ADGRG5: variants seen among roughly 807,000 people sequenced by gnomAD.
The protein encoded by ADGRG5 is adhesion G protein-coupled receptor G5.
Under a neutral mutation model 53.2 loss-of-function variants are expected in ADGRG5, and 37 were observed. The ratio of observed to expected loss-of-function variants is 0.70; its 90% CI spans 0.53 to 0.91. ADGRG5 has a LOEUF of 0.91. Among genes scored for constraint, ADGRG5 ranks in the 40% least tolerant of loss-of-function variants. The pLI is 0.00. For missense variants in ADGRG5, 614 were observed against 675.8 expected (o/e 0.91, Z 1.01); for synonymous variants, 277 against 290.4 (o/e 0.95, Z 0.47).
chr16:57,541,425 G>A (rs1330261708), upstream of ADGRG5, among the ~76,000 whole-genome samples: 1 of 152,206 alleles, frequency 6.6e-6, no homozygotes, highest in East Asian at 1.9e-4. Context: ...GCTTGCCCAA[G>A]TCACCCAGAG....
chr16:57,558,450 G>A (rs528218346), intron 1 of ADGRG5, among the ~76,000 whole-genome samples: 84 of 152,312 alleles, frequency 5.5e-4, no homozygotes, highest in African/African-American at 1.8e-3. Context: ...ATCTCTCTTC[G>A]TGTTCTAGTC....
At chr16:57,551,020 C>T (rs2404450) in intron 1 of ADGRG5, among the ~76,000 whole-genome samples, 52,187 of 151,870 alleles carry the variant, frequency 0.34, 9,090 homozygotes, top group East Asian at 0.46. Context: ...GGCAACAGAG[C>T]GAGACTGTCT....
At chr16:57,537,194 G>A in the ADGRG5 span, among the ~76,000 whole-genome samples, 1 of 152,132 alleles carries the variant, frequency 6.6e-6, no homozygotes, top group Admixed American at 6.5e-5. Context: ...CTTCGGGGAC[G>A]CCCAGCTGTT....
intron 1 of ADGRG5, among the ~76,000 whole-genome samples, chr16:57,555,958 TTC>T (rs373224333): frequency 6.6e-6 from 1 of 151,306 alleles, no homozygotes; most frequent in Non-Finnish European, 1.5e-5. Flanking sequence ...CACTTCCCCC[TTC>T]TCTCTCTCTC....
At chr16:57,537,034 TTCTC>T in the ADGRG5 span, among the ~76,000 whole-genome samples, 1 of 151,830 alleles carries the variant, frequency 6.6e-6, no homozygotes, top group African/African-American at 2.4e-5. Flanking sequence ...GGGCCTCAGT[TTCTC>T]TTTCTGTACA....
chr16:57,557,979 T>C (rs1307904265), intron 1 of ADGRG5, among the ~76,000 whole-genome samples: 1 of 152,240 alleles, frequency 6.6e-6, no homozygotes, highest in Non-Finnish European at 1.5e-5. Flanking sequence ...CTGTATGTCT[T>C]AAAATCTTTG....
upstream of ADGRG5, among the ~76,000 whole-genome samples, chr16:57,537,892 C>CA (rs1212725060): frequency 6.6e-6 from 1 of 152,020 alleles, no homozygotes; most frequent in Non-Finnish European, 1.5e-5. Context: ...TTTGAGTACT[C>CA]AGAGGACAAG....
In ADGRG5 at chr16:57,554,593, G is replaced by A. The variant is rs765177711; in HGVS notation, c.-38-7463G>A. Among the ~76,000 whole-genome samples, 101 of 152,166 alleles carry A rather than the reference G, an allele frequency of 6.6e-4. 1 individual carries two copies. Among genetic ancestry groups the A allele is most frequent in the African/African-American group, 1.4e-3 (60 of 41,516 alleles). ...GGGTTTCACCGTGTTAGCCAGGATG[G>A]TCTCAATCTCCTGACTTTGTGATCC... On this transcript the variant is annotated intron_variant, in intron 1 of 11. Transcript: ENST00000349457.
intron 9 of ADGRG5, among the ~76,000 whole-genome samples, chr16:57,569,167 TTCATCACCATCG>T (rs1381875446): frequency 6.7e-6 from 1 of 148,378 alleles, no homozygotes; most frequent in Non-Finnish European, 1.5e-5. Context: ...CTCCTCCACC[TTCATCACCATCG>T]TCATCACCTC....
In ADGRG5 at chr16:57,567,491, C is replaced by G. The variant is rs373325568; in HGVS notation, c.721C>G (p.Pro241Ala). 6.2e-7 allele frequency: 1 copy of G among 1,610,036 alleles called. No individual in the cohort carries two copies. The highest frequency in any genetic ancestry group is 1.3e-5 in the African/African-American group (1 of 74,908). Reference protein sequence around the residue: ...VLMQLSPALVPAELLAPLTYI... With the variant: ...VLMQLSPALVAAELLAPLTYI... ...GCAGCAACTCTCCCCAGCCCTGGTC[C>G]CTGCAGAGTTGCTGGCACCTCTTAC... The change falls in exon 8 of 12, where the codon CCT becomes GCT. Residue 241 changes from proline to alanine, a missense_variant. Pro to Ala is a conservative substitution (Grantham distance 27). Coordinates refer to ENST00000349457, the MANE Select transcript of ADGRG5 (RefSeq NM_001304376.3).
rs74512515 is a variant in ADGRG5, at chr16:57,552,412, A to G, written c.-38-9644A>G. The stretch of plus-strand genomic sequence containing the variant: ...GCATGATGTTAGCTAGTTCTTGTGG[A>G]TAACTTGCTTCTCCATCAGCACTTG... On this transcript the variant is annotated intron_variant, in intron 1 of 11. Coordinates refer to ENST00000349457, the MANE Select transcript of ADGRG5 (RefSeq NM_001304376.3). 7.0e-3 allele frequency among the ~76,000 whole-genome samples: 1,071 copies of G among 152,264 alleles called. 13 individuals are homozygous for G. The highest frequency in any genetic ancestry group is 0.025 in the African/African-American group (1,042 of 41,540).
intron 4 of ADGRG5, among the ~76,000 whole-genome samples, 185 bp downstream of exon 4, chr16:57,563,432 T>C (rs1206912985): frequency 2.0e-5 from 3 of 152,244 alleles, no homozygotes; most frequent in Admixed American, 2.0e-4. Flanking sequence ...CTGTGTGAAC[T>C]GTGGAAAGGG....
intron 7 of ADGRG5, among the ~76,000 whole-genome samples, 190 bp from the exon 8 acceptor site, chr16:57,567,280 A>G (rs1298666172): frequency 6.6e-6 from 1 of 152,164 alleles, no homozygotes; most frequent in Non-Finnish European, 1.5e-5. Context: ...CTCATAGAAG[A>G]AGAGGGAGAT....
At chr16:57,532,394 T>C in the ADGRG5 span, among the ~76,000 whole-genome samples, 1 of 152,048 alleles carries the variant, frequency 6.6e-6, no homozygotes, top group African/African-American at 2.4e-5. Flanking sequence ...CCCCAGGAGA[T>C]CCCTAGCAGC....
intron 9 of ADGRG5, among the ~76,000 whole-genome samples, chr16:57,569,270 TCACCTCCATCATCACCTCCTC>T (rs1474836145): frequency 3.1e-4 from 42 of 136,630 alleles, no homozygotes; most frequent in African/African-American, 1.1e-3. Context: ...TCCACCTCCA[TCACCTCCATCATCACCTCCTC>T]CACCTCCATC....
chr16:57,531,264 GAGAGAAGGCACTTCCTCACTCCTTCC>G, the ADGRG5 span, among the ~76,000 whole-genome samples: 645 of 150,422 alleles, frequency 4.3e-3, 8 homozygotes, highest in Non-Finnish European at 4.6e-3. Context: ...GTGCTCCTCC[GAGAGAAGGCACTTCCTCACTCCTTCC>G]AGAGAAGGCA....
the ADGRG5 span, among the ~76,000 whole-genome samples, chr16:57,531,817 G>C: frequency 6.6e-6 from 1 of 152,098 alleles, no homozygotes; most frequent in Non-Finnish European, 1.5e-5. Flanking sequence ...GGCTTCTCCT[G>C]GCAAACGCCA....
At chr16:57,530,579 G>A in the ADGRG5 span, among the ~76,000 whole-genome samples, 1 of 151,974 alleles carries the variant, frequency 6.6e-6, no homozygotes, top group Non-Finnish European at 1.5e-5. Flanking sequence ...CCTCATTCTC[G>A]GCAGATGATC....
At chr16:57,532,545 T>TG in the ADGRG5 span, among the ~76,000 whole-genome samples, 1 of 152,064 alleles carries the variant, frequency 6.6e-6, no homozygotes, top group Admixed American at 6.5e-5. Context: ...GACACACATA[T>TG]GCTCAGATGG....
Sources: gnomAD v4.1 joint callset for allele counts (sites outside exome capture counted in the v4.1 genomes callset) on GRCh38, gnomAD v4.1.1 for gene constraint, MANE v1.5 for transcripts, NCBI Gene and HGNC (gene_info 2026-07-23, HGNC 2026-07-21) for gene names.